RNF111: variants seen among roughly 807,000 people sequenced by gnomAD.
The protein encoded by RNF111 is ring finger protein 111, also known as E3 ubiquitin-protein ligase Arkadia.
A neutral mutation model predicts 95.1 loss-of-function variants in RNF111; 17 were observed. That is an observed-to-expected ratio of 0.18 (90% CI 0.12 to 0.27). RNF111 has a LOEUF of 0.27. RNF111 is among the 10% of genes least tolerant of loss of function. The pLI, the probability that RNF111 is intolerant of heterozygous loss-of-function variation, is 1.00. For missense variants in RNF111, 1,189 were observed against 1,210.4 expected, an observed-to-expected ratio of 0.98 and a Z score of 0.26; for synonymous variants, 440 against 414.8, an observed-to-expected ratio of 1.06 and a Z score of -0.74.
chr15:59,058,438 C>G lies in RNF111; in HGVS notation c.1254C>G (p.Thr418=), dbSNP rs749014080. 5.0e-6 allele frequency: 8 copies of G among 1,613,970 alleles called. No individual in the cohort carries two copies. Among genetic ancestry groups the G allele is most frequent in the Non-Finnish European group, 6.8e-6 (8 of 1,180,002 alleles). ...CCATTAACAATTCAAATCCATCTAC[C>G]TCTGAGCAGGCCTCTGATACTGCTT... ...SASINNSNPS[T]SEQASDTASA... The change falls in exon 5 of 14, where the codon ACC becomes ACG. Residue 418 remains threonine (T), a synonymous_variant. Transcript: ENST00000348370.
intron 1 of RNF111, among the ~76,000 whole-genome samples, chr15:59,025,748 G>A (rs1409289327): frequency 2.2e-5 from 3 of 136,802 alleles, no homozygotes; most frequent in African/African-American, 8.2e-5. Flanking sequence ...TTTTTCTTTT[G>A]TGTCGGAATT....
At chr15:59,002,752 G>A (rs2039378611) in intron 1 of RNF111, among the ~76,000 whole-genome samples, 1 of 152,154 alleles carries the variant, frequency 6.6e-6, no homozygotes, top group African/African-American at 2.4e-5. Context: ...GACTACTTCT[G>A]ATGTCATTGT....
chr15:59,001,736 A>T (rs559008495), intron 1 of RNF111, among the ~76,000 whole-genome samples: 2 of 152,236 alleles, frequency 1.3e-5, no homozygotes, highest in Admixed American at 6.5e-5. Flanking sequence ...CCTACAAAAC[A>T]TACATTATCA....
intron 8 of RNF111, among the ~76,000 whole-genome samples, chr15:59,082,234 C>T (rs2078766102): frequency 6.6e-6 from 1 of 151,946 alleles, no homozygotes; most frequent in African/African-American, 2.4e-5. Context: ...CCAGTTTTAC[C>T]ATATGACCCA....
intron 1 of RNF111, among the ~76,000 whole-genome samples, chr15:58,996,000 A>C (rs2039055504): frequency 6.6e-6 from 1 of 152,018 alleles, no homozygotes; most frequent in South Asian, 2.1e-4. Flanking sequence ...GATTTTTGAT[A>C]GTAGGTTTAT....
At chr15:59,077,014 C>G (rs922909868) in intron 7 of RNF111, among the ~76,000 whole-genome samples, 1 of 152,190 alleles carries the variant, frequency 6.6e-6, no homozygotes, top group East Asian at 1.9e-4. Context: ...GCAGACGCAG[C>G]TGGAATCAAC....
intron 3 of RNF111, 69 bp from the exon 4 acceptor site, chr15:59,055,613 T>C: frequency 8.4e-7 from 1 of 1,194,402 alleles, no homozygotes; most frequent in Non-Finnish European, 1.1e-6. Context: ...TAAGAAAGGC[T>C]TATGGGTTTT....
At chr15:59,002,691 A>T (rs1567202140) in intron 1 of RNF111, among the ~76,000 whole-genome samples, 1 of 152,064 alleles carries the variant, frequency 6.6e-6, no homozygotes, top group Non-Finnish European at 1.5e-5. Flanking sequence ...AGATAAAATG[A>T]AATAAAAATG....
chr15:59,003,670 G>A (rs1778864877), intron 1 of RNF111, among the ~76,000 whole-genome samples: 1 of 152,196 alleles, frequency 6.6e-6, no homozygotes, highest in African/African-American at 2.4e-5. Flanking sequence ...CCAAACTGCT[G>A]GAATTACAGG....
chr15:59,043,584 A>G (rs2041570161), intron 2 of RNF111, among the ~76,000 whole-genome samples: 1 of 152,206 alleles, frequency 6.6e-6, no homozygotes, highest in South Asian at 2.1e-4. Context: ...AGGTAGGTAG[A>G]GGTCAAGGGT....
intron 5 of RNF111, among the ~76,000 whole-genome samples, chr15:59,062,996 G>A (rs1196134963): frequency 6.6e-6 from 1 of 152,138 alleles, no homozygotes; most frequent in African/African-American, 2.4e-5. Flanking sequence ...GCCAGATACT[G>A]GGGACAGCAT....
At chr15:59,004,030 C>T (rs771599204) in intron 1 of RNF111, 50 of 284,438 alleles carry the variant, frequency 1.8e-4, no homozygotes, top group Admixed American at 2.4e-4. Context: ...GTTTGAGTGA[C>T]CTATCCTGTG....
intron 2 of RNF111, among the ~76,000 whole-genome samples, chr15:59,034,866 A>T (rs1289221994): frequency 6.6e-6 from 1 of 152,240 alleles, no homozygotes; most frequent in Non-Finnish European, 1.5e-5. Flanking sequence ...ATGAATGGAT[A>T]TTAGTTACTC....
intron 1 of RNF111, among the ~76,000 whole-genome samples, chr15:58,993,228 G>A (rs12381120): frequency 1.3e-5 from 2 of 151,816 alleles, no homozygotes; most frequent in Non-Finnish European, 2.9e-5. Flanking sequence ...AGTAAAAGTG[G>A]CCAGGTATAG....
chr15:59,022,484 C>T (rs771795724), intron 1 of RNF111, among the ~76,000 whole-genome samples: 1 of 152,206 alleles, frequency 6.6e-6, no homozygotes, highest in Non-Finnish European at 1.5e-5. Context: ...CTCCATTTAA[C>T]TGTATTTTCT....
At chr15:59,012,493 T>C (rs1464483050) in intron 1 of RNF111, among the ~76,000 whole-genome samples, 2 of 152,222 alleles carry the variant, frequency 1.3e-5, no homozygotes, top group African/African-American at 2.4e-5. Flanking sequence ...TATGTATGCT[T>C]TGTGTACGTA....
In RNF111 at chr15:59,031,668, T is replaced by G; in HGVS notation, c.846T>G (p.Ser282Arg). 6.2e-7 allele frequency: 1 copy of G among 1,614,038 alleles called. No individual in the cohort carries two copies. The highest frequency in any genetic ancestry group is 8.5e-7 in the Non-Finnish European group (1 of 1,179,992). The stretch of plus-strand genomic sequence containing the variant: ...AAGAAGATTTGTTTGTTTCTGCCAG[T>G]GAAAACCACCAAAACAATCCAGCTG... ...EGEEDLFVSASENHQNNPAVP... is the reference protein window; with the variant it reads ...EGEEDLFVSARENHQNNPAVP... The change falls in exon 2 of 14, where the codon AGT becomes AGG. Residue 282 changes from serine (S) to arginine (R), a missense_variant. Around this residue, in one of 2 missense-constraint regions of RNF111, gnomAD observed 1,024 missense variants for 925.9 expected, o/e 1.11. Transcript: ENST00000348370.
chr15:59,088,757 T>G (rs1799423820), intron 10 of RNF111, among the ~76,000 whole-genome samples: 2 of 152,216 alleles, frequency 1.3e-5, no homozygotes, highest in South Asian at 4.1e-4. Flanking sequence ...TATGTGTGTT[T>G]CTGCTTAAAG....
chr15:59,073,148 A>T (rs1006464587), intron 6 of RNF111, among the ~76,000 whole-genome samples: 1 of 152,140 alleles, frequency 6.6e-6, no homozygotes, highest in African/African-American at 2.4e-5. Context: ...ACTCCACTGT[A>T]GGCAACACAG....
Sources: gnomAD v4.1 joint callset for allele counts (sites outside exome capture counted in the v4.1 genomes callset) on GRCh38, gnomAD v4.1.1 for gene constraint, gnomAD v4.1.1 regional missense constraint, MANE v1.5 for transcripts, NCBI Gene and HGNC (gene_info 2026-07-23, HGNC 2026-07-21) for gene names.